Variants in OR51B5 observed in about 807,000 individuals in gnomAD.
OR51B5 encodes olfactory receptor 51B5.
For synonymous variants in OR51B5, 186 were observed against 144.8 expected (o/e 1.28, Z -2.04); for missense variants, 456 against 374.6 (o/e 1.22, Z -1.79).
chr11:5,353,925 G>T (rs74772552), intron 1 of OR51B5, among the ~76,000 whole-genome samples: 1 of 151,970 alleles, frequency 6.6e-6, no homozygotes. Context: ...ATCTTTATCT[G>T]ATTAGACCAA....
intron 1 of OR51B5, among the ~76,000 whole-genome samples, chr11:5,461,136 TG>T: frequency 6.6e-6 from 1 of 151,976 alleles, no homozygotes; most frequent in Admixed American, 6.5e-5. Flanking sequence ...CACCCACTGA[TG>T]GGGTGGCAAG....
At chr11:5,344,438 C>G (rs1589943134), upstream of OR51B5, among the ~76,000 whole-genome samples, 1 of 152,154 alleles carries the variant, frequency 6.6e-6, no homozygotes, top group Non-Finnish European at 1.5e-5. Flanking sequence ...ATCCATCTTC[C>G]TGGTTTCCTT....
chr11:5,437,899 C>T (rs1007778124), intron 1 of OR51B5, among the ~76,000 whole-genome samples: 1 of 152,106 alleles, frequency 6.6e-6, no homozygotes, highest in Non-Finnish European at 1.5e-5. Context: ...CCTTTTCTAT[C>T]AAGTGGTGCG....
chr11:5,403,666 A>G, intron 1 of OR51B5: 1 of 377,500 alleles, frequency 2.6e-6, no homozygotes, highest in South Asian at 2.0e-5. Flanking sequence ...GTCTAACAGG[A>G]AGTTCTCTAT....
rs555443546 is a variant in OR51B5, at chr11:5,356,252, T to A, written n.85-9342A>T. ...AAAATAAATTAGACTAATGGCTAAC[T>A]AGAATAACCAATACAGAGAAGTCCT... On this transcript the variant is annotated intron_variant and non_coding_transcript_variant, in intron 1 of 4. Transcript: ENST00000415970. Among the ~76,000 whole-genome samples the A allele has an allele frequency of 4.6e-5, 7 of 152,068 alleles. No homozygotes were observed. The South Asian group carries it at 1.5e-3, about 32-fold the overall frequency.
At chr11:5,452,414 A>G (rs1431818778) in intron 1 of OR51B5, among the ~76,000 whole-genome samples, 3 of 147,768 alleles carry the variant, frequency 2.0e-5, no homozygotes, top group Admixed American at 7.0e-5. Context: ...GCTGAGGCAG[A>G]AGAATGGCGT....
chr11:5,465,205 CAAAAAAAAA>C (rs34459420), intron 1 of OR51B5, among the ~76,000 whole-genome samples: 555 of 45,428 alleles, frequency 0.012, 3 homozygotes, highest in Admixed American at 0.032. Flanking sequence ...GACTCCGTCT[CAAAAAAAAA>C]AAAAAAAAAA....
intron 1 of OR51B5, among the ~76,000 whole-genome samples, chr11:5,412,473 C>T (rs371642599): frequency 2.6e-5 from 4 of 152,136 alleles, no homozygotes; most frequent in Admixed American, 1.3e-4. Context: ...GTGCGCCAGC[C>T]GAAGCAGGGC....
intron 1 of OR51B5, among the ~76,000 whole-genome samples, chr11:5,485,387 GTTAA>G (rs1205812739): frequency 6.6e-6 from 1 of 152,202 alleles, no homozygotes; most frequent in Non-Finnish European, 1.5e-5. Flanking sequence ...CAAAAAATGT[GTTAA>G]TTGTTTCTCC....
At chr11:5,491,148 T>C (rs548466251) in intron 1 of OR51B5, among the ~76,000 whole-genome samples, 95 of 152,362 alleles carry the variant, frequency 6.2e-4, no homozygotes, top group Non-Finnish European at 1.2e-3. Context: ...ATTATGCTAA[T>C]GTGTAGGGTA....
chr11:5,490,946 G>A (rs780762016), intron 1 of OR51B5, among the ~76,000 whole-genome samples: 2 of 152,220 alleles, frequency 1.3e-5, no homozygotes, highest in Non-Finnish European at 2.9e-5. Context: ...TTTTATAGCT[G>A]CATGGCTTAA....
At chr11:5,352,112 T>G in intron 1 of OR51B5, 1 of 1,614,190 alleles carries the variant, frequency 6.2e-7, no homozygotes, top group Non-Finnish European at 8.5e-7. Context: ...GTAGTTTTAT[T>G]TGCAATGGTC....
intron 1 of OR51B5, chr11:5,389,931 T>G (rs1284114217): frequency 1.2e-6 from 2 of 1,611,390 alleles, no homozygotes; most frequent in Admixed American, 3.3e-5. Flanking sequence ...CTGAAGGCTT[T>G]TCCCTACTGT....
rs1589983132 is a variant in OR51B5, at chr11:5,414,347, A to G, written n.85-67437T>C. Among the ~76,000 whole-genome samples the G allele has an allele frequency of 2.1e-5, 3 of 141,534 alleles. 1 individual carries two copies. In the South Asian group the frequency reaches 7.5e-4, roughly 35 times the overall value. The allele number at this position is 141,534 out of a possible 152,430, so 92.9% of individuals were successfully genotyped here. On this transcript the variant is annotated intron_variant and non_coding_transcript_variant, in intron 1 of 4. Coordinates refer to the OR51B5 transcript ENST00000415970. ...AAAATCATGCCAAAATGTAAAGACC[A>G]TTCAGACTAGGAAGAAACTGCATCA... is the stretch of plus-strand genomic sequence containing the variant.
intron 1 of OR51B5, among the ~76,000 whole-genome samples, chr11:5,406,278 G>A (rs1300748292): frequency 1.3e-5 from 2 of 152,122 alleles, no homozygotes; most frequent in African/African-American, 4.8e-5. Context: ...CCAATTTACT[G>A]AATATCTTCG....
chr11:5,357,458 A>G (rs11036982), intron 1 of OR51B5, among the ~76,000 whole-genome samples: 56,656 of 150,490 alleles, frequency 0.38, 10,908 homozygotes, highest in Non-Finnish European at 0.4. Flanking sequence ...CAATACAGGA[A>G]CACCCAGGTT....
intron 1 of OR51B5, among the ~76,000 whole-genome samples, chr11:5,425,358 A>T (rs1160794993): frequency 1.3e-5 from 2 of 152,226 alleles, no homozygotes; most frequent in Non-Finnish European, 2.9e-5. Context: ...TTGATGAGCG[A>T]TATCTATCGA....
chr11:5,404,915 C>G (rs913270839), intron 1 of OR51B5, among the ~76,000 whole-genome samples: 4 of 152,188 alleles, frequency 2.6e-5, no homozygotes, highest in East Asian at 1.9e-4. Context: ...CTAGACACAT[C>G]TGAACATCTG....
chr11:5,447,027 T>C (rs1590000529), intron 1 of OR51B5, among the ~76,000 whole-genome samples: 1 of 152,342 alleles, frequency 6.6e-6, no homozygotes, highest in Middle Eastern at 3.4e-3. Context: ...AAACATCAAT[T>C]ACTTTCATCT....
Sources: gnomAD v4.1 joint callset for allele counts (sites outside exome capture counted in the v4.1 genomes callset) on GRCh38, gnomAD v4.1.1 for gene constraint, MANE v1.5 for transcripts, NCBI Gene and HGNC (gene_info 2026-07-23, HGNC 2026-07-21) for gene names.